Variants in PXDNL observed in about 807,000 individuals in gnomAD.
The protein encoded by PXDNL is probable oxidoreductase PXDNL.
In PXDNL, 145 loss-of-function variants were observed where a neutral mutation model predicts 150.8. The observed-to-expected ratio is 0.96, with a 90% CI of 0.84 to 1.10. The LOEUF is 1.10. Ranked by LOEUF, PXDNL falls within the 50% of genes least tolerant of loss-of-function variation. The probability of loss-of-function intolerance (pLI) is 0.00; values close to 1 mark genes in which losing one functional copy is unlikely to be tolerated. For synonymous variants in PXDNL, 757 were observed against 725.7 expected, an observed-to-expected ratio of 1.04 and a Z score of -0.69; for missense variants, 2,087 against 1,873.9, an observed-to-expected ratio of 1.11 and a Z score of -2.10.
intron 1 of PXDNL, among the ~76,000 whole-genome samples, chr8:51,789,892 T>C (rs903750795): frequency 6.6e-6 from 1 of 152,328 alleles, no homozygotes; most frequent in East Asian, 1.9e-4. Flanking sequence ...AAATGAATTA[T>C]TGTATTTATT....
At chr8:51,447,955 G>C (rs762218313) in intron 11 of PXDNL, among the ~76,000 whole-genome samples, 31 of 152,206 alleles carry the variant, frequency 2.0e-4, no homozygotes, top group South Asian at 4.1e-4. Context: ...GCAAACAGCA[G>C]TTAACAGGTT....
In PXDNL at chr8:51,747,966, C is replaced by A. The variant is rs536654250; in HGVS notation, c.164+61215G>T. 7.9e-5 allele frequency among the ~76,000 whole-genome samples: 12 copies of A among 152,244 alleles called. No homozygotes were observed. In the South Asian group the frequency reaches 2.5e-3, roughly 32 times the overall value. ...AAAGGGTTAGTTATCCTCCCTGGGT[C>A]GCAGTTTCCTCTTGTATACATAGCA... On this transcript the variant is annotated intron_variant, in intron 1 of 22. Coordinates refer to ENST00000356297, the MANE Select transcript of PXDNL (RefSeq NM_144651.5).
chr8:51,413,954 A>G (rs1808722024), intron 14 of PXDNL, among the ~76,000 whole-genome samples: 1 of 152,170 alleles, frequency 6.6e-6, no homozygotes, highest in Admixed American at 6.5e-5. Flanking sequence ...TTTTTGAGAT[A>G]CTAAAAGTAC....
Position 51,548,478 on chromosome 8 carries a change from T to C in PXDNL, c.380+8362A>G, listed in dbSNP as rs578008680. ...AGTCTATAAAGGAAAACTTATCAGATTAGCAGCAGATTTTTCAGCAGAAAC... is the reference window on the plus strand; with the variant it reads ...AGTCTATAAAGGAAAACTTATCAGACTAGCAGCAGATTTTTCAGCAGAAAC... On this transcript the variant is annotated intron_variant, in intron 4 of 22. Transcript: ENST00000356297. 6.6e-5 allele frequency among the ~76,000 whole-genome samples: 10 copies of C among 152,304 alleles called. 1 individual carries two copies. Among genetic ancestry groups the C allele is most frequent in the Middle Eastern group, 6.8e-3 (2 of 294 alleles).
chr8:51,722,505 C>T (rs1268748600), intron 1 of PXDNL, among the ~76,000 whole-genome samples: 1 of 152,172 alleles, frequency 6.6e-6, no homozygotes, highest in Non-Finnish European at 1.5e-5. Flanking sequence ...TGTTCAGCAT[C>T]CAGGAAGAAT....
intron 4 of PXDNL, among the ~76,000 whole-genome samples, chr8:51,553,548 C>T (rs1812536242): frequency 1.3e-5 from 2 of 151,986 alleles, no homozygotes; most frequent in Admixed American, 1.3e-4. Flanking sequence ...AGTTCAATGC[C>T]TTGCTGTGAG....
chr8:51,407,744 C>T (rs367874695), intron 17 of PXDNL, among the ~76,000 whole-genome samples: 61 of 152,262 alleles, frequency 4.0e-4, no homozygotes, highest in Middle Eastern at 3.4e-3. Context: ...TGTATGGCCT[C>T]ATATCAACAA....
intron 2 of PXDNL, among the ~76,000 whole-genome samples, chr8:51,605,798 G>T (rs1324153722): frequency 3.9e-5 from 6 of 152,170 alleles, no homozygotes; most frequent in African/African-American, 9.7e-5. Flanking sequence ...GTGTGGGTTT[G>T]TTATCTCCCT....
chr8:51,659,878 T>TATTC (rs1349209654), intron 1 of PXDNL, among the ~76,000 whole-genome samples: 1 of 150,758 alleles, frequency 6.6e-6, no homozygotes, highest in African/African-American at 2.4e-5. Flanking sequence ...TTTATTTATT[T>TATTC]ATTTATTTAT....
chr8:51,501,240 C>A (rs1585530019), intron 4 of PXDNL, among the ~76,000 whole-genome samples: 1 of 152,096 alleles, frequency 6.6e-6, no homozygotes, highest in Non-Finnish European at 1.5e-5. Flanking sequence ...TAGCATGAAA[C>A]AACTTTACCT....
rs543955990 is a variant in PXDNL at position 51,619,253 on chromosome 8, A to G, written c.237-26555T>C. 3.3e-5 allele frequency among the ~76,000 whole-genome samples: 5 copies of G among 152,278 alleles called. No individual in the cohort carries two copies. The East Asian group carries it at 9.7e-4, about 29-fold the overall frequency. On this transcript the variant is annotated intron_variant, in intron 2 of 22. Transcript: ENST00000356297. ...AAAGTCAGCAATAAACCATAAAAAT[A>G]TTTCTCCAGCCTTCCCTGCCTTTCT...
chr8:51,746,228 C>T (rs2036983298), intron 1 of PXDNL, among the ~76,000 whole-genome samples: 1 of 152,202 alleles, frequency 6.6e-6, no homozygotes, highest in South Asian at 2.1e-4. Context: ...AATGCACCTG[C>T]AATTAAAGAA....
intron 3 of PXDNL, among the ~76,000 whole-genome samples, chr8:51,578,880 G>A (rs1285218224): frequency 1.3e-5 from 2 of 151,956 alleles, no homozygotes; most frequent in African/African-American, 4.8e-5. Context: ...CTTAACAACA[G>A]GTGCTGATGC....
At chr8:51,533,155 C>CT (rs1277056706) in intron 4 of PXDNL, among the ~76,000 whole-genome samples, 4 of 152,014 alleles carry the variant, frequency 2.6e-5, no homozygotes, top group Non-Finnish European at 5.9e-5. Context: ...TATTTATTTA[C>CT]TTTTTTATTT....
At chr8:51,628,376 C>G (rs1814408477) in intron 2 of PXDNL, among the ~76,000 whole-genome samples, 1 of 144,490 alleles carries the variant, frequency 6.9e-6, no homozygotes, top group Non-Finnish European at 1.5e-5. Context: ...CCTTTTTCAT[C>G]TCTCTCTGTT....
At chr8:51,495,050 A>T (rs1447126553) in intron 5 of PXDNL, among the ~76,000 whole-genome samples, 2 of 152,166 alleles carry the variant, frequency 1.3e-5, no homozygotes, top group Non-Finnish European at 2.9e-5. Context: ...CCTCAGCAAA[A>T]GGAAAAGAAC....
chr8:51,792,414 A>G (rs1233159176), intron 1 of PXDNL, among the ~76,000 whole-genome samples: 2 of 152,198 alleles, frequency 1.3e-5, no homozygotes, highest in South Asian at 2.1e-4. Context: ...CCACTGATCT[A>G]TGTGACCGGG....
chr8:51,750,581 T>C (rs753805475), intron 1 of PXDNL, among the ~76,000 whole-genome samples: 12 of 152,232 alleles, frequency 7.9e-5, no homozygotes, highest in Non-Finnish European at 1.6e-4. Context: ...ATGTGGTGCA[T>C]GACTGTATTA....
intron 1 of PXDNL, among the ~76,000 whole-genome samples, chr8:51,725,944 T>C (rs1277756345): frequency 2.0e-5 from 3 of 152,252 alleles, no homozygotes; most frequent in Non-Finnish European, 1.5e-5. Context: ...AACATTGGCC[T>C]CTATGTTTTG....
Sources: gnomAD v4.1 joint callset for allele counts (sites outside exome capture counted in the v4.1 genomes callset) on GRCh38, gnomAD v4.1.1 for gene constraint, MANE v1.5 for transcripts, NCBI Gene and HGNC (gene_info 2026-07-23, HGNC 2026-07-21) for gene names.